CACNA1A: variants seen among roughly 807,000 people sequenced by gnomAD.
CACNA1A encodes calcium voltage-gated channel subunit alpha1 A, also known as voltage-dependent P/Q-type calcium channel subunit alpha-1A.
Under a neutral mutation model 262.4 loss-of-function variants are expected in CACNA1A, and 57 were observed. The ratio of observed to expected loss-of-function variants is 0.22; its 90% CI spans 0.18 to 0.27. The LOEUF is 0.27. Ranked by LOEUF, CACNA1A falls within the 10% of genes least tolerant of loss-of-function variation. CACNA1A has a pLI of 1.00. For synonymous variants in CACNA1A, 1,431 were observed against 1,419.3 expected, an observed-to-expected ratio of 1.01 and a Z score of -0.18; for missense variants, 2,526 against 3,562.8, an observed-to-expected ratio of 0.71 and a Z score of 7.41.
chr19:13,399,140 C>T (rs1047397069), intron 3 of CACNA1A, among the ~76,000 whole-genome samples: 1 of 152,074 alleles, frequency 6.6e-6, no homozygotes, highest in African/African-American at 2.4e-5. Flanking sequence ...TGGTGGAGTC[C>T]TCAAGACTAA....
At chr19:13,285,769 C>T (rs1297882105) in intron 20 of CACNA1A, among the ~76,000 whole-genome samples, 1 of 152,008 alleles carries the variant, frequency 6.6e-6, no homozygotes, top group African/African-American at 2.4e-5. Flanking sequence ...GCTTATGTGC[C>T]CACGGGCAGG....
At position 13,209,459 on chromosome 19, in the gene CACNA1A, C is replaced by T. The variant is rs368183370; in HGVS notation, c.6379G>A (p.Val2127Met). 1.5e-5 allele frequency: 20 copies of T among 1,363,058 alleles called. No homozygotes were observed. The highest frequency in any genetic ancestry group is 2.1e-4 in the Middle Eastern group (1 of 4,790). The allele number at this position is 1,363,058 out of a possible 1,614,324, so 84.4% of individuals were successfully genotyped here. The change falls in exon 45 of 47, where the codon GTG becomes ATG. Residue 2127 changes from valine (V) to methionine (M), a missense_variant. Transcript: ENST00000360228. The stretch of plus-strand genomic sequence containing the variant: ...AGGCGTCGGGCCTTGGGGCCCAGCA[C>T]GGAGGCTGAACGCTTCATGGGGCTG... Reference protein sequence around the residue: ...DTSPMKRSASVLGPKARRLDD... With the variant: ...DTSPMKRSASMLGPKARRLDD...
At chr19:13,221,763 G>A (rs1018159696) in intron 38 of CACNA1A, among the ~76,000 whole-genome samples, 2 of 152,012 alleles carry the variant, frequency 1.3e-5, no homozygotes, top group Non-Finnish European at 2.9e-5. Context: ...TCCTGAAGCC[G>A]CCCTTTTAAA....
In CACNA1A at chr19:13,286,546, G is replaced by C; in HGVS notation, c.3510C>G (p.Ile1170Met). Residue 1170 changes from isoleucine to methionine, a missense_variant, in exon 20 of 47, where the codon ATC becomes ATG. Transcript: ENST00000360228. ...TGAGGGGGGGTGGGCAGGCTGGGGGGATGTCCACTGTGGTGTGGTCGGGTT... is the reference window on the plus strand; with the variant it reads ...TGAGGGGGGGTGGGCAGGCTGGGGGCATGTCCACTGTGGTGTGGTCGGGTT... ...ARKPDHTTVD[I>M]PPACPPPLNH... 6.5e-7 allele frequency: 1 copy of C among 1,532,304 alleles called. No individual in the cohort carries two copies. Among genetic ancestry groups the C allele is most frequent in the Non-Finnish European group, 8.8e-7 (1 of 1,141,718 alleles). 94.9% of individuals were successfully genotyped at this position (1,532,304 alleles called of 1,614,324 possible). A position where few individuals can be genotyped will look rare whatever the true frequency, so the allele number is the denominator to read the frequency against.
intron 3 of CACNA1A, among the ~76,000 whole-genome samples, chr19:13,439,092 A>G (rs2144868289): frequency 6.6e-6 from 1 of 150,952 alleles, no homozygotes; most frequent in South Asian, 2.1e-4. Context: ...TTGCCAAACA[A>G]ACCACTTGTC....
chr19:13,410,540 C>CTT (rs113290275), intron 3 of CACNA1A, among the ~76,000 whole-genome samples: 33 of 120,770 alleles, frequency 2.7e-4, no homozygotes, highest in African/African-American at 6.8e-4. Context: ...ATTCTTTTTT[C>CTT]TTTTTTTTTT....
At chr19:13,247,807 T>C (rs1426615955) in intron 30 of CACNA1A, among the ~76,000 whole-genome samples, 1 of 152,170 alleles carries the variant, frequency 6.6e-6, no homozygotes, top group Non-Finnish European at 1.5e-5. Flanking sequence ...GCCCTGCCCA[T>C]AGCTCAACTA....
intron 3 of CACNA1A, among the ~76,000 whole-genome samples, chr19:13,435,876 G>A (rs1308115957): frequency 2.6e-5 from 4 of 152,138 alleles, no homozygotes. Context: ...CCAGGCTGGA[G>A]TGCAGTGGCG....
At chr19:13,389,423 A>T (rs570525206) in intron 3 of CACNA1A, among the ~76,000 whole-genome samples, 1 of 152,106 alleles carries the variant, frequency 6.6e-6, no homozygotes, top group Non-Finnish European at 1.5e-5. Context: ...CCTGGGATGG[A>T]TGCCTGGGGA....
intron 24 of CACNA1A, among the ~76,000 whole-genome samples, chr19:13,264,149 G>A (rs1048794291): frequency 1.3e-5 from 2 of 152,084 alleles, no homozygotes; most frequent in Non-Finnish European, 2.9e-5. Flanking sequence ...GACACCCTTG[G>A]CCAACCATGA....
At chr19:13,291,800 G>GC (rs1555754290) in intron 19 of CACNA1A, among the ~76,000 whole-genome samples, 3 of 150,864 alleles carry the variant, frequency 2.0e-5, no homozygotes, top group Admixed American at 1.3e-4. Flanking sequence ...GAGCAAGACT[G>GC]TTTTTTTTTA....
intron 1 of CACNA1A, among the ~76,000 whole-genome samples, chr19:13,456,373 T>C (rs1027770253): frequency 2.6e-5 from 4 of 152,066 alleles, no homozygotes; most frequent in Non-Finnish European, 5.9e-5. Context: ...GGTCTAGTAC[T>C]ATATAAAGAA....
intron 10 of CACNA1A, among the ~76,000 whole-genome samples, chr19:13,328,286 C>T (rs142493360): frequency 6.6e-6 from 1 of 152,272 alleles, no homozygotes; most frequent in East Asian, 1.9e-4. Context: ...ACCTACTGAG[C>T]GCTCCAATTC....
intron 24 of CACNA1A, among the ~76,000 whole-genome samples, chr19:13,270,053 T>C (rs1261799284): frequency 6.6e-6 from 1 of 152,124 alleles, no homozygotes; most frequent in Non-Finnish European, 1.5e-5. Flanking sequence ...GAACCCAGGC[T>C]GGCCAGGCTG....
At chr19:13,347,048 CTGTTTTTTTTGTTTTTT>C (rs1409655271) in intron 6 of CACNA1A, among the ~76,000 whole-genome samples, 1 of 123,890 alleles carries the variant, frequency 8.1e-6, no homozygotes, top group Non-Finnish European at 1.6e-5. Context: ...TCCTTCAGGT[CTGTTTTTTTTGTTTTTT>C]TGTTTTTTTT....
chr19:13,431,729 C>T (rs934299116), intron 3 of CACNA1A, among the ~76,000 whole-genome samples: 6 of 152,112 alleles, frequency 3.9e-5, no homozygotes, highest in Admixed American at 1.3e-4. Flanking sequence ...TTTGCGACAA[C>T]GTGCATGAAC....
chr19:13,384,251 T>A (rs2059571134), intron 3 of CACNA1A, among the ~76,000 whole-genome samples: 1 of 151,870 alleles, frequency 6.6e-6, no homozygotes, highest in African/African-American at 2.4e-5. Context: ...GGTGAATAAG[T>A]GAGGTGTGGC....
chr19:13,329,745 T>C (rs1303027208), intron 10 of CACNA1A, among the ~76,000 whole-genome samples: 2 of 150,910 alleles, frequency 1.3e-5, no homozygotes, highest in African/African-American at 4.9e-5. Context: ...AGTGTTGGGA[T>C]TACAGGCGTG....
rs41276884 is a variant in CACNA1A at position 13,257,774 on chromosome 19, G to A, written c.4389-223C>T. The A allele has an allele frequency of 0.091, 33,142 of 365,834 alleles. 2,493 individuals carry two copies. Among genetic ancestry groups the A allele is most frequent in the East Asian group, 0.35 (7,740 of 22,064 alleles). 22.7% of individuals were successfully genotyped at this position (365,834 alleles called of 1,614,324 possible). A position where few individuals can be genotyped will look rare whatever the true frequency, so the allele number is the denominator to read the frequency against. The stretch of plus-strand genomic sequence containing the variant: ...TTTTTTGAGATGGAGTTTCGCTCTC[G>A]TTGCCCAGGCTGGAGTGCAACGGCG... On this transcript the variant is annotated intron_variant, in intron 27 of 46. Transcript: ENST00000360228.
Sources: allele counts gnomAD v4.1 joint callset (sites outside exome capture counted in the v4.1 genomes callset), GRCh38; gene constraint gnomAD v4.1.1; transcripts MANE v1.5; gene names NCBI Gene and HGNC (gene_info 2026-07-23, HGNC 2026-07-21).